The following FARS2 variants were observed in gnomAD, a reference collection of about 807,000 sequenced individuals.
The protein encoded by FARS2 is phenylalanyl-tRNA synthetase 2, mitochondrial, also known as phenylalanine--tRNA ligase, mitochondrial.
A neutral mutation model predicts 46.4 loss-of-function variants in FARS2; 40 were observed. The observed-to-expected ratio is 0.86, with a 90% CI of 0.67 to 1.12. The LOEUF (loss-of-function observed/expected upper bound fraction) is 1.12. FARS2 is among the 50% of genes most tolerant of loss of function. FARS2 has a pLI of 0.00. For missense variants in FARS2, 513 were observed against 567.9 expected, an observed-to-expected ratio of 0.90 and a Z score of 0.98; for synonymous variants, 234 against 214.9, an observed-to-expected ratio of 1.09 and a Z score of -0.78.
chr6:5,653,908 C>G (rs140507229), intron 6 of FARS2, among the ~76,000 whole-genome samples: 4 of 152,302 alleles, frequency 2.6e-5, no homozygotes, highest in Non-Finnish European at 5.9e-5. Context: ...TTTCCCTGCT[C>G]TGACTCTACC....
chr6:5,682,142 A>C (rs977097514), intron 6 of FARS2, among the ~76,000 whole-genome samples: 1 of 152,236 alleles, frequency 6.6e-6, no homozygotes, highest in Non-Finnish European at 1.5e-5. Context: ...ATTATAGTAC[A>C]TCACCTTGAT....
intron 4 of FARS2, among the ~76,000 whole-genome samples, chr6:5,513,624 G>T (rs780081995): frequency 5.3e-5 from 8 of 152,176 alleles, no homozygotes; most frequent in Non-Finnish European, 1.2e-4. Flanking sequence ...TTGCCTTGTG[G>T]CCTTCTGTTC....
intron 6 of FARS2, among the ~76,000 whole-genome samples, chr6:5,750,967 C>T (rs1474106891): frequency 2.6e-5 from 4 of 152,070 alleles, no homozygotes; most frequent in Non-Finnish European, 5.9e-5. Context: ...GAACTTGATG[C>T]TTCCATTTTC....
At chr6:5,350,616 G>A (rs185143963) in intron 1 of FARS2, among the ~76,000 whole-genome samples, 4 of 152,264 alleles carry the variant, frequency 2.6e-5, no homozygotes, top group African/African-American at 9.6e-5. Context: ...GGAACATTTG[G>A]ACATCCCTAG....
At chr6:5,579,264 GT>G (rs766420296) in intron 5 of FARS2, among the ~76,000 whole-genome samples, 2 of 152,108 alleles carry the variant, frequency 1.3e-5, no homozygotes, top group East Asian at 3.9e-4. Flanking sequence ...TTATTATGAA[GT>G]TTTTTGTTTT....
intron 1 of FARS2, among the ~76,000 whole-genome samples, chr6:5,364,760 C>T (rs140269209): frequency 8.3e-4 from 126 of 152,282 alleles, no homozygotes; most frequent in African/African-American, 2.5e-3. Context: ...GGGCAAGGCA[C>T]GATGGCTTAA....
chr6:5,412,441 A>G (rs2127733642), intron 3 of FARS2, among the ~76,000 whole-genome samples: 1 of 152,260 alleles, frequency 6.6e-6, no homozygotes, highest in South Asian at 2.1e-4. Flanking sequence ...ACACGTGTTG[A>G]TTCCCTTCAG....
chr6:5,707,401 C>T (rs1362627110), intron 6 of FARS2, among the ~76,000 whole-genome samples: 2 of 152,214 alleles, frequency 1.3e-5, no homozygotes, highest in African/African-American at 4.8e-5. Context: ...GGCTTCCCCA[C>T]TTAGGAACAC....
At chr6:5,768,521 A>G (rs1391291514) in intron 6 of FARS2, among the ~76,000 whole-genome samples, 1 of 152,364 alleles carries the variant, frequency 6.6e-6, no homozygotes, top group East Asian at 1.9e-4. Flanking sequence ...AAAAAACACA[A>G]TGTGATAATA....
chr6:5,255,511 T>C, the FARS2 span, among the ~76,000 whole-genome samples: 2 of 151,002 alleles, frequency 1.3e-5, no homozygotes, highest in African/African-American at 2.5e-5. Context: ...TTTTTTTTTC[T>C]AATATGATAA....
intron 1 of FARS2, among the ~76,000 whole-genome samples, chr6:5,314,548 G>C (rs1177421564): frequency 6.6e-6 from 1 of 152,184 alleles, no homozygotes; most frequent in Non-Finnish European, 1.5e-5. Flanking sequence ...TTACCTTTTA[G>C]GATAAACTGC....
At chr6:5,503,874 G>A (rs1767951522) in intron 4 of FARS2, among the ~76,000 whole-genome samples, 1 of 152,106 alleles carries the variant, frequency 6.6e-6, no homozygotes, top group African/African-American at 2.4e-5. Context: ...AAACTTCTTT[G>A]TATCTCACTG....
intron 1 of FARS2, among the ~76,000 whole-genome samples, chr6:5,268,028 T>G (rs1765671148): frequency 6.6e-6 from 1 of 152,202 alleles, no homozygotes; most frequent in South Asian, 2.1e-4. Flanking sequence ...TTCATATCCT[T>G]CGCCCACTTT....
chr6:5,387,469 G>T (rs1760208587), intron 2 of FARS2, among the ~76,000 whole-genome samples: 1 of 152,298 alleles, frequency 6.6e-6, no homozygotes, highest in East Asian at 1.9e-4. Flanking sequence ...GTAAAGAAGA[G>T]GACAAAGCCA....
intron 5 of FARS2, among the ~76,000 whole-genome samples, chr6:5,567,430 A>G (rs757190686): frequency 4.6e-5 from 7 of 152,194 alleles, no homozygotes; most frequent in African/African-American, 1.7e-4. Context: ...TATTGCTGCA[A>G]ACAAATTGCT....
rs535226893 is a variant in FARS2 at position 5,727,978 on chromosome 6, G to A, written c.1218-43313G>A. The stretch of plus-strand genomic sequence containing the variant: ...GGGGTGAAAGGTCCCTGGGAGCTTC[G>A]CTTACCACCGTGGGCACTTAATGGA... On this transcript the variant is annotated intron_variant, in intron 6 of 6. Coordinates refer to ENST00000274680, the MANE Select transcript of FARS2 (RefSeq NM_006567.5). The surrounding 1 kb of genome is among the most constrained non-coding windows in gnomAD (Gnocchi z 4.1). 1.1e-4 allele frequency among the ~76,000 whole-genome samples: 17 copies of A among 152,302 alleles called. No homozygotes were observed. In the South Asian group the frequency reaches 2.7e-3, roughly 24 times the overall value.
chr6:5,425,716 T>A (rs2432757), intron 3 of FARS2, among the ~76,000 whole-genome samples: 115,423 of 152,086 alleles, frequency 0.76, 44,048 homozygotes, highest in East Asian at 0.93. Flanking sequence ...GTCCTGGAGG[T>A]ATTTCTACTT....
the FARS2 span, among the ~76,000 whole-genome samples, chr6:5,254,319 C>T: frequency 6.6e-6 from 1 of 152,284 alleles, no homozygotes; most frequent in South Asian, 2.1e-4. Context: ...GTAGGGAAAA[C>T]GCTTCCTTGA....
chr6:5,559,923 A>G (rs1478005445), intron 5 of FARS2, among the ~76,000 whole-genome samples: 3 of 152,110 alleles, frequency 2.0e-5, no homozygotes, highest in Non-Finnish European at 2.9e-5. Flanking sequence ...AGCAGGGATA[A>G]TTGGGTGTCC....
Sources: gnomAD v4.1 joint callset for allele counts (sites outside exome capture counted in the v4.1 genomes callset) on GRCh38, gnomAD v4.1.1 for gene constraint, Gnocchi (gnomAD v3.1) non-coding constraint, MANE v1.5 for transcripts, NCBI Gene and HGNC (gene_info 2026-07-23, HGNC 2026-07-21) for gene names.